SDK1: variants seen among roughly 807,000 people sequenced by gnomAD.
SDK1 encodes protein sidekick-1.
SDK1 carries 157 observed loss-of-function variants against 245.5 expected under a neutral mutation model. The observed-to-expected ratio is 0.64, with a 90% CI of 0.56 to 0.73. The LOEUF is 0.73. Among genes scored for constraint, SDK1 ranks in the 30% least tolerant of loss-of-function variants. The pLI is 0.00. For synonymous variants in SDK1, 1,647 were observed against 1,278.5 expected (o/e 1.29, Z -6.15); for missense variants, 3,583 against 3,002.3 (o/e 1.19, Z -4.52).
chr7:4,077,124 C>G lies in SDK1; in HGVS notation c.3137C>G (p.Ala1046Gly). Residue 1046 changes from alanine to glycine, a missense_variant, in exon 21 of 45, where the codon GCC (alanine) becomes GGC (glycine). Ala to Gly is a moderately conservative substitution (Grantham distance 60). Coordinates refer to ENST00000404826, the MANE Select transcript of SDK1 (RefSeq NM_152744.4). ...CTCACCACCTACACCATCGACGTGG[C>G]CGCTGTGACTGCCGTGGGCACTGGC... ...SSLTTYTIDV[A>G]AVTAVGTGLV... 1 of 1,614,252 alleles carries G rather than the reference C, an allele frequency of 6.2e-7. No homozygotes were observed. Among genetic ancestry groups the G allele is most frequent in the Non-Finnish European group, 8.5e-7 (1 of 1,180,052 alleles).
chr7:4,068,035 T>C, intron 20 of SDK1, 99 bp downstream of exon 20: 2 of 799,216 alleles, frequency 2.5e-6, no homozygotes, highest in Admixed American at 2.3e-5. Context: ...CATGGACCCG[T>C]GCCCATGGCC....
chr7:3,865,047 A>G (rs1327893885), intron 5 of SDK1, among the ~76,000 whole-genome samples: 2 of 152,112 alleles, frequency 1.3e-5, no homozygotes, highest in African/African-American at 4.8e-5. Flanking sequence ...TACCACTCAG[A>G]CGTCTTGGCT....
chr7:3,969,477 A>C, intron 11 of SDK1, 53 bp downstream of exon 11: 1 of 1,404,560 alleles, frequency 7.1e-7, no homozygotes, highest in Non-Finnish European at 9.5e-7. Flanking sequence ...TTTAATCATC[A>C]CGTCATCGTG....
At chr7:3,353,682 G>C (rs1780718677) in intron 1 of SDK1, among the ~76,000 whole-genome samples, 1 of 152,146 alleles carries the variant, frequency 6.6e-6, no homozygotes, top group South Asian at 2.1e-4. Flanking sequence ...TATTTCCCCT[G>C]TCATGAATAG....
intron 4 of SDK1, among the ~76,000 whole-genome samples, chr7:3,709,061 C>A (rs1471307359): frequency 1.3e-5 from 2 of 152,156 alleles, no homozygotes. Context: ...TCAAGAAGTT[C>A]TATTATGGTG....
chr7:3,373,578 A>G (rs1456902883), intron 1 of SDK1, among the ~76,000 whole-genome samples: 2 of 152,180 alleles, frequency 1.3e-5, no homozygotes, highest in Non-Finnish European at 2.9e-5. Context: ...GTGAAACCCT[A>G]GAAACATTTA....
chr7:3,927,971 G>C (rs114143718), intron 5 of SDK1, among the ~76,000 whole-genome samples: 152 of 152,300 alleles, frequency 1.0e-3, no homozygotes, highest in African/African-American at 3.6e-3. Flanking sequence ...GTGCTCAGTA[G>C]AGGAATGTTT....
intron 22 of SDK1, among the ~76,000 whole-genome samples, chr7:4,091,634 AC>A (rs1781809928): frequency 6.6e-6 from 1 of 151,982 alleles, no homozygotes; most frequent in African/African-American, 2.4e-5. Flanking sequence ...GAGCCACTGC[AC>A]CCTGCCAACA....
intron 14 of SDK1, among the ~76,000 whole-genome samples, chr7:3,995,180 C>T (rs1182948515): frequency 6.6e-6 from 1 of 152,230 alleles, no homozygotes; most frequent in Non-Finnish European, 1.5e-5. Flanking sequence ...AGCAACAAGG[C>T]ATTCCTCCGG....
intron 5 of SDK1, among the ~76,000 whole-genome samples, chr7:3,879,765 G>C (rs1003189320): frequency 2.0e-5 from 3 of 152,180 alleles, no homozygotes; most frequent in Non-Finnish European, 4.4e-5. Context: ...CCTGCTTGTA[G>C]AGAAGTTATA....
chr7:3,894,802 G>A (rs1189088824), intron 5 of SDK1, among the ~76,000 whole-genome samples: 1 of 150,380 alleles, frequency 6.6e-6, no homozygotes, highest in East Asian at 2.0e-4. Context: ...AAGTTTAAGC[G>A]ATTTGTACTT....
Position 4,067,880 on chromosome 7 carries a change from A to G in SDK1, c.2954A>G (p.Asp985Gly), listed in dbSNP as rs1360796203. ...VGHLSFTEIL[D>G]TSLKVSWQEP... is the part of the protein sequence containing the mutation. The stretch of plus-strand genomic sequence containing the variant: ...CATCTGAGTTTCACAGAGATCTTGG[A>G]CACATCTCTCAAGGTCAGCTGGCAG... Residue 985 changes from aspartate to glycine, a missense_variant, in exon 20 of 45, where the codon GAC (aspartate) becomes GGC (glycine). Physicochemically the swap from Asp to Gly is moderately conservative, Grantham distance 94. Coordinates refer to ENST00000404826, the MANE Select transcript of SDK1 (RefSeq NM_152744.4). 6.2e-7 allele frequency: 1 copy of G among 1,613,504 alleles called. No individual in the cohort carries two copies. The highest frequency in any genetic ancestry group is 8.5e-7 in the Non-Finnish European group (1 of 1,179,806).
chr7:3,472,045 T>C (rs1781201169), intron 1 of SDK1, among the ~76,000 whole-genome samples: 1 of 152,212 alleles, frequency 6.6e-6, no homozygotes, highest in South Asian at 2.1e-4. Flanking sequence ...GTGTTTTTGC[T>C]GATGAGATGG....
intron 1 of SDK1, among the ~76,000 whole-genome samples, chr7:3,598,290 C>G (rs189111899): frequency 2.0e-5 from 3 of 152,232 alleles, no homozygotes; most frequent in Non-Finnish European, 2.9e-5. Context: ...TTTATAGACT[C>G]TGGATATAAA....
intron 1 of SDK1, among the ~76,000 whole-genome samples, chr7:3,595,405 T>A (rs1781021543): frequency 6.6e-6 from 1 of 152,144 alleles, no homozygotes; most frequent in African/African-American, 2.4e-5. Flanking sequence ...TGATTGCTTT[T>A]CTAATAACAG....
At chr7:3,833,454 A>T (rs907805009) in intron 5 of SDK1, among the ~76,000 whole-genome samples, 1 of 152,210 alleles carries the variant, frequency 6.6e-6, no homozygotes, top group Admixed American at 6.5e-5. Flanking sequence ...AGTTTTCAGC[A>T]CAAGTGTACT....
intron 1 of SDK1, among the ~76,000 whole-genome samples, chr7:3,601,829 T>G (rs2927089): frequency 8.5e-6 from 1 of 116,978 alleles, no homozygotes; most frequent in Non-Finnish European, 1.7e-5. Context: ...CCTCCCCCCT[T>G]CCCCCACCCC....
chr7:3,321,604 G>T (rs1779803739), intron 1 of SDK1, among the ~76,000 whole-genome samples: 3 of 152,050 alleles, frequency 2.0e-5, no homozygotes, highest in Admixed American at 6.6e-5. Context: ...ACTTTCCAAA[G>T]AAACATTCTT....
At chr7:3,342,018 T>C (rs968708032) in intron 1 of SDK1, among the ~76,000 whole-genome samples, 3 of 152,158 alleles carry the variant, frequency 2.0e-5, no homozygotes, top group Non-Finnish European at 2.9e-5. Context: ...TCTACTGATA[T>C]TAAAGCTTTC....
Sources: gnomAD v4.1 joint callset for allele counts (sites outside exome capture counted in the v4.1 genomes callset) on GRCh38, gnomAD v4.1.1 for gene constraint, MANE v1.5 for transcripts, NCBI Gene and HGNC (gene_info 2026-07-23, HGNC 2026-07-21) for gene names.